The following SLC16A7 variants were observed in gnomAD, a reference collection of about 807,000 sequenced individuals.
SLC16A7 encodes the protein monocarboxylate transporter 2.
In SLC16A7, 33 loss-of-function variants were observed where a neutral mutation model predicts 34.9. The observed-to-expected ratio is 0.94, with a 90% CI of 0.72 to 1.26. The LOEUF (loss-of-function observed/expected upper bound fraction) is 1.26, where lower values mean the gene tolerates loss of function less well. Among genes scored for constraint, SLC16A7 ranks in the 50% most tolerant of loss-of-function variants. SLC16A7 has a pLI of 0.00. For synonymous variants in SLC16A7, 201 were observed against 206.6 expected (o/e 0.97, Z 0.23); for missense variants, 573 against 578.1 (o/e 0.99, Z 0.09).
intron 3 of SLC16A7, among the ~76,000 whole-genome samples, chr12:59,753,936 C>T (rs1837894827): frequency 6.6e-6 from 1 of 152,140 alleles, no homozygotes; most frequent in African/African-American, 2.4e-5. Context: ...CAAACTAGAA[C>T]TCAGGATTAA....
intron 1 of SLC16A7, among the ~76,000 whole-genome samples, chr12:59,601,707 TG>T (rs1878693163): frequency 6.6e-6 from 1 of 152,188 alleles, no homozygotes; most frequent in Non-Finnish European, 1.5e-5. Flanking sequence ...GCTGGAAATC[TG>T]AGATCAGGGT....
At position 59,785,086 on chromosome 12, in the gene SLC16A7, C is replaced by A. The variant is rs1261204681; in HGVS notation, c.*5407C>A. On this transcript the variant is annotated 3_prime_UTR_variant, in exon 6 of 6. Coordinates refer to ENST00000547379, the MANE Select transcript of SLC16A7 (RefSeq NM_001270623.2). ...TTTCTGCACAACCATATGCAGAACTCATGTTTGAGAAGGCACTTAAAAGCT... is the reference window on the plus strand; with the variant it reads ...TTTCTGCACAACCATATGCAGAACTAATGTTTGAGAAGGCACTTAAAAGCT... 1.3e-5 allele frequency: 2 copies of A among 152,130 alleles called. No homozygotes were observed. Among genetic ancestry groups the A allele is most frequent in the East Asian group, 3.8e-4 (2 of 5,196 alleles). 9.4% of individuals were successfully genotyped at this position (152,130 alleles called of 1,614,324 possible). A position where few individuals can be genotyped will look rare whatever the true frequency, so the allele number is the denominator to read the frequency against.
rs537947958 is a variant in SLC16A7 at position 59,748,317 on chromosome 12, G to A, written c.218-22902G>A. Among the ~76,000 whole-genome samples the A allele has an allele frequency of 4.6e-5, 7 of 152,118 alleles. No individual in the cohort carries two copies. In the East Asian group the frequency reaches 7.7e-4, roughly 17 times the overall value. On this transcript the variant is annotated intron_variant, in intron 3 of 5. Coordinates refer to ENST00000547379, the MANE Select transcript of SLC16A7 (RefSeq NM_001270623.2). ...AAAATGTAAACAAACATAAGGACAC[G>A]GTATAAAATCAAGCTGCCTGAAATT...
At chr12:59,698,256 T>C (rs1184462602) in intron 2 of SLC16A7, among the ~76,000 whole-genome samples, 1 of 151,910 alleles carries the variant, frequency 6.6e-6, no homozygotes, top group African/African-American at 2.4e-5. Flanking sequence ...AAACTGATTA[T>C]GCAACTATTT....
intron 2 of SLC16A7, among the ~76,000 whole-genome samples, chr12:59,660,956 G>A (rs1483214920): frequency 6.6e-6 from 1 of 151,994 alleles, no homozygotes; most frequent in Non-Finnish European, 1.5e-5. Flanking sequence ...TTTTACAAAT[G>A]GCAGTAAAAA....
At chr12:59,605,867 G>A (rs1878913958) in intron 1 of SLC16A7, among the ~76,000 whole-genome samples, 1 of 152,028 alleles carries the variant, frequency 6.6e-6, no homozygotes, top group Non-Finnish European at 1.5e-5. Flanking sequence ...ATGAAATTTC[G>A]ACTAAGCTAC....
chr12:59,698,792 C>A (rs1872582344), intron 2 of SLC16A7, among the ~76,000 whole-genome samples: 1 of 151,590 alleles, frequency 6.6e-6, no homozygotes, highest in Non-Finnish European at 1.5e-5. Flanking sequence ...CTTTATAGGC[C>A]AGAGGAGGAT....
intron 3 of SLC16A7, among the ~76,000 whole-genome samples, chr12:59,751,174 G>A (rs371460465): frequency 3.9e-5 from 6 of 152,210 alleles, no homozygotes; most frequent in East Asian, 1.9e-4. Flanking sequence ...CATCGTGAGC[G>A]ACGCAGAAGA....
chr12:59,672,634 G>GT (rs1869980840), intron 2 of SLC16A7, among the ~76,000 whole-genome samples: 1 of 151,808 alleles, frequency 6.6e-6, no homozygotes, highest in East Asian at 1.9e-4. Context: ...TATTTAATTT[G>GT]TTTTTTGCTT....
intron 3 of SLC16A7, among the ~76,000 whole-genome samples, chr12:59,710,435 G>C (rs1204525796): frequency 6.6e-6 from 1 of 152,168 alleles, no homozygotes; most frequent in Non-Finnish European, 1.5e-5. Context: ...CCAAAACAGG[G>C]ATGAAAGGGG....
At chr12:59,606,853 T>TAC (rs1283196912) in intron 1 of SLC16A7, among the ~76,000 whole-genome samples, 3 of 147,786 alleles carry the variant, frequency 2.0e-5, no homozygotes, top group Non-Finnish European at 4.5e-5. Context: ...TGTGTGAATA[T>TAC]ATATATATGT....
chr12:59,708,924 G>A (rs745994510), intron 3 of SLC16A7, among the ~76,000 whole-genome samples: 5 of 151,656 alleles, frequency 3.3e-5, no homozygotes, highest in Non-Finnish European at 7.4e-5. Flanking sequence ...CCATCTGGAT[G>A]TCCATATGTT....
chr12:59,770,974 C>T (rs981633435), intron 3 of SLC16A7, among the ~76,000 whole-genome samples: 5 of 151,772 alleles, frequency 3.3e-5, no homozygotes, highest in South Asian at 2.1e-4. Context: ...ATGGTTACAA[C>T]GAAATATATG....
Position 59,782,644 on chromosome 12 carries a change from C to G in SLC16A7, c.*2965C>G, listed in dbSNP as rs1179407252. 1 of 152,050 alleles carries G rather than the reference C, an allele frequency of 6.6e-6. No homozygotes were observed. Among genetic ancestry groups the G allele is most frequent in the Non-Finnish European group, 1.5e-5 (1 of 68,000 alleles). The allele number at this position is 152,050 out of a possible 1,614,324, so 9.4% of individuals were successfully genotyped here. On this transcript the variant is annotated 3_prime_UTR_variant, in exon 6 of 6. Transcript: ENST00000547379. The stretch of plus-strand genomic sequence containing the variant: ...TGGCTACTTTAACTATTTTTTCATT[C>G]GTGTTAACTGAGCCCCCCATATTTT...
At chr12:59,738,445 A>G (rs1227152221) in intron 3 of SLC16A7, among the ~76,000 whole-genome samples, 1 of 152,186 alleles carries the variant, frequency 6.6e-6, no homozygotes, top group Non-Finnish European at 1.5e-5. Flanking sequence ...CAATAACAAG[A>G]TGCAGATGAA....
chr12:59,683,030 C>G (rs890825147), intron 2 of SLC16A7, among the ~76,000 whole-genome samples: 1 of 151,838 alleles, frequency 6.6e-6, no homozygotes, highest in Admixed American at 6.6e-5. Context: ...CATGACATTG[C>G]ACTCTAGCCT....
At chr12:59,614,958 G>A (rs910160156) in intron 1 of SLC16A7, among the ~76,000 whole-genome samples, 7 of 150,710 alleles carry the variant, frequency 4.6e-5, no homozygotes, top group African/African-American at 9.8e-5. Flanking sequence ...AGCCGAGATC[G>A]CACCACTGCA....
chr12:59,743,026 C>G (rs1878510107), intron 3 of SLC16A7, among the ~76,000 whole-genome samples: 1 of 152,060 alleles, frequency 6.6e-6, no homozygotes, highest in African/African-American at 2.4e-5. Context: ...AAGAAGAAAC[C>G]ACTCTTTCAG....
At chr12:59,718,435 G>T (rs762334735) in intron 3 of SLC16A7, among the ~76,000 whole-genome samples, 14 of 152,154 alleles carry the variant, frequency 9.2e-5, no homozygotes, top group Non-Finnish European at 2.1e-4. Flanking sequence ...GGAGGATTTG[G>T]CTGTGTTCAG....
Sources: gnomAD v4.1 joint callset for allele counts (sites outside exome capture counted in the v4.1 genomes callset) on GRCh38, gnomAD v4.1.1 for gene constraint, MANE v1.5 for transcripts, NCBI Gene and HGNC (gene_info 2026-07-23, HGNC 2026-07-21) for gene names.